KIF26B: variants seen among roughly 807,000 people sequenced by gnomAD.
The protein encoded by KIF26B is kinesin-like protein KIF26B.
A neutral mutation model predicts 151.2 loss-of-function variants in KIF26B; 63 were observed. That is an observed-to-expected ratio of 0.42 (90% CI 0.34 to 0.51). KIF26B has a LOEUF of 0.51. Among genes scored for constraint, KIF26B ranks in the 20% least tolerant of loss-of-function variants. KIF26B has a pLI of 0.07. For missense variants in KIF26B, 2,813 were observed against 2,913.6 expected (o/e 0.97, Z 0.79); for synonymous variants, 1,357 against 1,262.1 (o/e 1.08, Z -1.59).
intron 4 of KIF26B, among the ~76,000 whole-genome samples, chr1:245,445,188 G>A (rs1049370211): frequency 6.6e-6 from 1 of 152,178 alleles, no homozygotes; most frequent in Non-Finnish European, 1.5e-5. Flanking sequence ...TGGGCTGTTT[G>A]GAAAGCATAG....
rs1182748213 is a variant in KIF26B at position 245,662,619 on chromosome 1, TACACACCC to T, written c.2258+16341_2258+16348del. Among the ~76,000 whole-genome samples, 216 of 54,786 alleles carry T rather than the reference TACACACCC, an allele frequency of 3.9e-3. 7 individuals carry two copies. The highest frequency in any genetic ancestry group is 0.013 in the South Asian group (36 of 2,764). 35.9% of individuals were successfully genotyped at this position (54,786 alleles called of 152,430 possible). On this transcript the variant is annotated intron_variant, in intron 10 of 14. Coordinates refer to ENST00000407071, the MANE Select transcript of KIF26B (RefSeq NM_018012.4). ...TATATACACAGACACCCAATATATA[TACACACCC>T]AGTGATATATACACACACACACATC... is the stretch of plus-strand genomic sequence containing the variant.
At chr1:245,426,886 C>A (rs1658661992) in intron 4 of KIF26B, among the ~76,000 whole-genome samples, 1 of 152,240 alleles carries the variant, frequency 6.6e-6, no homozygotes, top group Non-Finnish European at 1.5e-5. Context: ...TAGCGCCTTG[C>A]TGTGATGGTT....
intron 3 of KIF26B, among the ~76,000 whole-genome samples, chr1:245,391,592 G>A (rs969674233): frequency 3.3e-5 from 5 of 150,918 alleles, no homozygotes; most frequent in African/African-American, 1.2e-4. Flanking sequence ...AGGGGTTCAC[G>A]GTCATGCCTT....
intron 3 of KIF26B, among the ~76,000 whole-genome samples, chr1:245,401,315 A>G (rs1292920806): frequency 2.0e-5 from 3 of 152,234 alleles, no homozygotes; most frequent in African/African-American, 7.2e-5. Context: ...CAGATCAGCC[A>G]TAAGCATCTG....
rs1013726082 is a variant in KIF26B at position 245,336,571 on chromosome 1, G to A, written c.466-30263G>A. ...AAGGTTCTCTCTGGAATAATGGTTT[G>A]CTTCTCTGCAGGCTCGTGCGGCGGC... On this transcript the variant is annotated intron_variant, in intron 2 of 14. Coordinates refer to ENST00000407071, the MANE Select transcript of KIF26B (RefSeq NM_018012.4). Among the ~76,000 whole-genome samples the A allele has an allele frequency of 6.6e-5, 10 of 152,320 alleles. No homozygotes were observed. In the East Asian group the frequency reaches 7.7e-4, roughly 12 times the overall value.
intron 5 of KIF26B, among the ~76,000 whole-genome samples, chr1:245,581,443 T>C (rs1406811763): frequency 1.6e-5 from 2 of 126,604 alleles, no homozygotes; most frequent in African/African-American, 3.3e-5. Context: ...AGAAGATAGG[T>C]AGATAGATAG....
In KIF26B at chr1:245,396,178, G is replaced by A. The variant is rs1673836892; in HGVS notation, c.1000-23401G>A. 3.3e-5 allele frequency among the ~76,000 whole-genome samples: 5 copies of A among 152,204 alleles called. No homozygotes were observed. The South Asian group carries it at 1.0e-3, about 32-fold the overall frequency. ...TTATGAAGCCACTAATCAAAAACAT[G>A]GGATCAGTGTACTTCAGACTCTTAC... On this transcript the variant is annotated intron_variant, in intron 3 of 14. Transcript: ENST00000407071.
intron 4 of KIF26B, among the ~76,000 whole-genome samples, chr1:245,480,310 T>G (rs1660139097): frequency 6.6e-6 from 1 of 150,876 alleles, no homozygotes; most frequent in Non-Finnish European, 1.5e-5. Flanking sequence ...CCGAACTACA[T>G]GCAGGGTGGG....
At chr1:245,660,458 A>G (rs1390180160) in intron 10 of KIF26B, among the ~76,000 whole-genome samples, 2 of 150,618 alleles carry the variant, frequency 1.3e-5, no homozygotes, top group Non-Finnish European at 3.0e-5. Flanking sequence ...CCACCTCAGC[A>G]TCCTGAGTAG....
At chr1:245,399,777 A>G (rs927826127) in intron 3 of KIF26B, among the ~76,000 whole-genome samples, 2 of 152,222 alleles carry the variant, frequency 1.3e-5, no homozygotes, top group South Asian at 2.1e-4. Context: ...AGATGCACCA[A>G]TATGCATTAT....
At chr1:245,306,323 A>G (rs1671538629) in intron 2 of KIF26B, among the ~76,000 whole-genome samples, 1 of 152,250 alleles carries the variant, frequency 6.6e-6, no homozygotes, top group East Asian at 1.9e-4. Context: ...TAAAGTGTCT[A>G]GAAGAGGCAA....
At position 245,154,997 on chromosome 1, in the gene KIF26B, C is replaced by G. The variant is rs557364684; in HGVS notation, c.-428C>G. The G allele has an allele frequency of 1.2e-3, 513 of 417,454 alleles. 2 individuals carry two copies. The highest frequency in any genetic ancestry group is 9.7e-3 in the African/African-American group (474 of 48,872). 25.9% of individuals were successfully genotyped at this position (417,454 alleles called of 1,614,324 possible). On this transcript the variant is annotated 5_prime_UTR_variant, in exon 1 of 15. Coordinates refer to ENST00000407071, the MANE Select transcript of KIF26B (RefSeq NM_018012.4). ...TTTCTTTGAACTCAGTTACCAAGCT[C>G]GGTGAAGGAGACAAGTTCCCACAGC...
Position 245,703,445 on chromosome 1 carries a change from C to T in KIF26B, c.*839C>T, listed in dbSNP as rs2044800474. Reference sequence around the variant, plus strand: ...AGGTGAGGAGACGGCACCTGCAGCACAGGGGAGGAGGAGTCCTTTGCGACC... The same window carrying T: ...AGGTGAGGAGACGGCACCTGCAGCATAGGGGAGGAGGAGTCCTTTGCGACC... On this transcript the variant is annotated 3_prime_UTR_variant, in exon 15 of 15. Transcript: ENST00000407071. 6.6e-6 allele frequency: 1 copy of T among 152,182 alleles called. No individual in the cohort carries two copies. Among genetic ancestry groups the T allele is most frequent in the Admixed American group, 6.5e-5 (1 of 15,274 alleles). The allele number at this position is 152,182 out of a possible 1,614,324, so 9.4% of individuals were successfully genotyped here.
At chr1:245,449,113 A>C (rs1659319342) in intron 4 of KIF26B, among the ~76,000 whole-genome samples, 1 of 152,184 alleles carries the variant, frequency 6.6e-6, no homozygotes, top group Non-Finnish European at 1.5e-5. Flanking sequence ...GTGGATTTGG[A>C]ACCAAAATGA....
chr1:245,534,890 C>G lies in KIF26B; in HGVS notation c.1167-5877C>G, dbSNP rs139142385. ...CTCTACCTCCCAGGTTCAAGCGATTCTCCCACCTCAGCCACCCGAGTAGCT... is the reference window on the plus strand; with the variant it reads ...CTCTACCTCCCAGGTTCAAGCGATTGTCCCACCTCAGCCACCCGAGTAGCT... On this transcript the variant is annotated intron_variant, in intron 4 of 14. Coordinates refer to ENST00000407071, the MANE Select transcript of KIF26B (RefSeq NM_018012.4). Among the ~76,000 whole-genome samples, 749 of 151,724 alleles carry G rather than the reference C, an allele frequency of 4.9e-3. 1 individual carries two copies. Among genetic ancestry groups the G allele is most frequent in the Non-Finnish European group, 7.4e-3 (505 of 67,968 alleles).
In KIF26B at chr1:245,257,304, C is replaced by T. The variant is rs1022157171; in HGVS notation, c.465+100621C>T. Among the ~76,000 whole-genome samples the T allele has an allele frequency of 5.3e-5, 8 of 152,304 alleles. 1 individual carries two copies. Among genetic ancestry groups the T allele is most frequent in the Middle Eastern group, 3.4e-3 (1 of 294 alleles). On this transcript the variant is annotated intron_variant, in intron 2 of 14. Coordinates refer to ENST00000407071, the MANE Select transcript of KIF26B (RefSeq NM_018012.4). ...CAATGTATACAACCAAGCTATAGCC[C>T]GACCACTTGGGCACGCATTCTCAGG...
chr1:245,605,096 C>G (rs1420586406), intron 6 of KIF26B, among the ~76,000 whole-genome samples: 1 of 152,190 alleles, frequency 6.6e-6, no homozygotes, highest in Non-Finnish European at 1.5e-5. Flanking sequence ...TCAGGCGAGT[C>G]ACTCAACCTC....
At chr1:245,518,016 C>T (rs539267818) in intron 4 of KIF26B, among the ~76,000 whole-genome samples, 4 of 151,886 alleles carry the variant, frequency 2.6e-5, no homozygotes, top group South Asian at 2.1e-4. Context: ...GGATTACAGA[C>T]GCCTGCCACA....
In KIF26B at chr1:245,525,065, C is replaced by T. The variant is rs574198855; in HGVS notation, c.1167-15702C>T. On this transcript the variant is annotated intron_variant, in intron 4 of 14. Coordinates refer to ENST00000407071, the MANE Select transcript of KIF26B (RefSeq NM_018012.4). ...ATTGAGGATTTTCATGGATCTGTCACGGGTTGTGTTCTGCTTGCCTTCTAC... is the reference window on the plus strand; with the variant it reads ...ATTGAGGATTTTCATGGATCTGTCATGGGTTGTGTTCTGCTTGCCTTCTAC... Among the ~76,000 whole-genome samples, 11 of 152,136 alleles carry T rather than the reference C, an allele frequency of 7.2e-5. No homozygotes were observed. The East Asian group carries it at 1.2e-3, about 16-fold the overall frequency.
Sources: gnomAD v4.1 joint callset for allele counts (sites outside exome capture counted in the v4.1 genomes callset) on GRCh38, gnomAD v4.1.1 for gene constraint, MANE v1.5 for transcripts, NCBI Gene and HGNC (gene_info 2026-07-23, HGNC 2026-07-21) for gene names.